Variants in NAV2 observed in about 807,000 individuals in gnomAD.
NAV2 encodes helicase, APC down-regulated 1.
Under a neutral mutation model 223.2 loss-of-function variants are expected in NAV2, and 54 were observed. That is an observed-to-expected ratio of 0.24 (90% CI 0.19 to 0.30). The LOEUF (loss-of-function observed/expected upper bound fraction) is 0.30, where lower values mean the gene tolerates loss of function less well. Among genes scored for constraint, NAV2 ranks in the 10% least tolerant of loss-of-function variants. The pLI is 1.00. For missense variants in NAV2, 2,806 were observed against 3,147.5 expected, an observed-to-expected ratio of 0.89 and a Z score of 2.60; for synonymous variants, 1,279 against 1,239.3, an observed-to-expected ratio of 1.03 and a Z score of -0.67.
intron 1 of NAV2, among the ~76,000 whole-genome samples, chr11:19,804,134 C>T (rs1273945723): frequency 6.6e-6 from 1 of 152,032 alleles, no homozygotes; most frequent in African/African-American, 2.4e-5. Flanking sequence ...GTGTGTGTGT[C>T]CTTCAGGTCT....
At chr11:19,832,124 A>G (rs1414719576) in intron 1 of NAV2, among the ~76,000 whole-genome samples, 1 of 152,150 alleles carries the variant, frequency 6.6e-6, no homozygotes, top group African/African-American at 2.4e-5. Flanking sequence ...AAAGATGGGA[A>G]GGGGTGGGGG....
chr11:19,534,990 A>G (rs1039114031), intron 1 of NAV2, among the ~76,000 whole-genome samples: 1 of 152,176 alleles, frequency 6.6e-6, no homozygotes, highest in African/African-American at 2.4e-5. Context: ...TGAGTGCAAA[A>G]TAAGTCCTTA....
chr11:19,766,594 A>G (rs942779264), intron 1 of NAV2, among the ~76,000 whole-genome samples: 4 of 152,116 alleles, frequency 2.6e-5, no homozygotes, highest in African/African-American at 9.7e-5. Flanking sequence ...GTTGGTGTGG[A>G]TGGGGGCTGG....
chr11:19,714,063 A>T lies in NAV2; in HGVS notation c.267+101A>T, dbSNP rs191364850. ...GGGCTGGATGGGAGAAGGGTCTACC[A>T]TGTGGCCAGGGAAGGGAACCATTCC... is the stretch of plus-strand genomic sequence containing the variant. On this transcript the variant is annotated intron_variant, in intron 1 of 37. Transcript: ENST00000349880. The T allele has an allele frequency of 2.9e-5, 43 of 1,470,464 alleles. No homozygotes were observed. In the African/African-American group the frequency reaches 4.9e-4, roughly 17 times the overall value. 91.1% of individuals were successfully genotyped at this position (1,470,464 alleles called of 1,614,324 possible). A position where few individuals can be genotyped will look rare whatever the true frequency, so the allele number is the denominator to read the frequency against.
intron 37 of NAV2, 94 bp downstream of exon 37, chr11:20,114,889 A>G: frequency 8.0e-7 from 1 of 1,252,692 alleles, no homozygotes. Context: ...AAAGGTGACT[A>G]AATCCAGCCT....
intron 1 of NAV2, among the ~76,000 whole-genome samples, chr11:19,501,336 C>T (rs1564991000): frequency 6.6e-6 from 1 of 152,050 alleles, no homozygotes; most frequent in Non-Finnish European, 1.5e-5. Flanking sequence ...TTTGCAGGAC[C>T]ACTATTCTCT....
Position 19,807,488 on chromosome 11 carries a change from C to T in NAV2, c.268-24996C>T, listed in dbSNP as rs2058636336. 2.6e-5 allele frequency among the ~76,000 whole-genome samples: 4 copies of T among 152,224 alleles called. No individual in the cohort carries two copies. The South Asian group carries it at 8.3e-4, about 32-fold the overall frequency. Reference sequence around the variant, plus strand: ...AGAACCCAAAATGCACCTATGTGCACACTCTCTCCAATGAGACATTTGAAT... The same window carrying T: ...AGAACCCAAAATGCACCTATGTGCATACTCTCTCCAATGAGACATTTGAAT... On this transcript the variant is annotated intron_variant, in intron 1 of 37. Transcript: ENST00000349880.
At position 19,998,382 on chromosome 11, in the gene NAV2, C is replaced by T. The variant is rs2052153915; in HGVS notation, c.2768+14135C>T. 6.6e-6 allele frequency among the ~76,000 whole-genome samples: 1 copy of T among 152,118 alleles called. No homozygotes were observed. Among genetic ancestry groups the T allele is most frequent in the Non-Finnish European group, 1.5e-5 (1 of 68,028 alleles). On this transcript the variant is annotated intron_variant, in intron 11 of 37. Transcript: ENST00000349880. This position sits in a 1 kb window ranked among gnomAD's most constrained non-coding sequence, Gnocchi z 5.0. ...TCTGAGCTCTCCCACTGCAGCCTTC[C>T]AGGCCCACTGTACCCACCAGGGCCT...
chr11:19,448,202 G>A (rs571627466), intron 1 of NAV2, among the ~76,000 whole-genome samples: 8 of 150,938 alleles, frequency 5.3e-5, no homozygotes, highest in African/African-American at 9.8e-5. Flanking sequence ...TCAGTCAGGC[G>A]CAAGGTGGGG....
intron 1 of NAV2, among the ~76,000 whole-genome samples, chr11:19,593,528 A>G (rs2046119165): frequency 6.6e-6 from 1 of 152,250 alleles, no homozygotes; most frequent in African/African-American, 2.4e-5. Flanking sequence ...TATTTCAAAT[A>G]TAAGTCTTCA....
chr11:19,596,483 A>G (rs560789196), intron 1 of NAV2, among the ~76,000 whole-genome samples: 3 of 152,154 alleles, frequency 2.0e-5, no homozygotes, highest in African/African-American at 7.2e-5. Flanking sequence ...CTGTGTGAGG[A>G]TTGTTCCCCT....
intron 26 of NAV2, among the ~76,000 whole-genome samples, chr11:20,083,954 C>T (rs1163960885): frequency 1.3e-5 from 2 of 152,206 alleles, no homozygotes; most frequent in Non-Finnish European, 2.9e-5. Context: ...TCTTAAGGCC[C>T]TGCCTTAGCA....
chr11:19,625,110 A>C (rs1020008626), intron 1 of NAV2, among the ~76,000 whole-genome samples: 1 of 152,136 alleles, frequency 6.6e-6, no homozygotes, highest in Non-Finnish European at 1.5e-5. Context: ...ACTATATAAT[A>C]CATTATTGTT....
chr11:19,648,664 C>T (rs1164530595), intron 1 of NAV2, among the ~76,000 whole-genome samples: 1 of 152,114 alleles, frequency 6.6e-6, no homozygotes, highest in African/African-American at 2.4e-5. Context: ...GATGGGGCCC[C>T]CTGAGAGATC....
chr11:19,770,261 ATT>A (rs61693257), intron 1 of NAV2, among the ~76,000 whole-genome samples: 67 of 151,152 alleles, frequency 4.4e-4, no homozygotes, highest in African/African-American at 1.3e-3. Context: ...TTAAAAAAAT[ATT>A]TTTTTTTTCA....
At chr11:20,050,840 C>T (rs2057929587) in intron 16 of NAV2, among the ~76,000 whole-genome samples, 1 of 152,224 alleles carries the variant, frequency 6.6e-6, no homozygotes, top group South Asian at 2.1e-4. Flanking sequence ...CAAGTCTGTT[C>T]TCCCATTTGA....
chr11:19,773,610 T>C (rs1192710210), intron 1 of NAV2, among the ~76,000 whole-genome samples: 4 of 152,042 alleles, frequency 2.6e-5, no homozygotes, highest in Non-Finnish European at 5.9e-5. Flanking sequence ...TGGTGGAAGA[T>C]TATGGAAATA....
At chr11:19,918,255 T>C (rs1033666530) in intron 6 of NAV2, among the ~76,000 whole-genome samples, 1 of 152,244 alleles carries the variant, frequency 6.6e-6, no homozygotes, top group African/African-American at 2.4e-5. Context: ...GTACAAAATG[T>C]GACTCTTGCT....
At chr11:19,963,531 G>A (rs1052571253) in intron 10 of NAV2, among the ~76,000 whole-genome samples, 2 of 152,216 alleles carry the variant, frequency 1.3e-5, no homozygotes, top group Non-Finnish European at 2.9e-5. Context: ...GAGCTATGAA[G>A]GGACCTGAAA....
Sources: gnomAD v4.1 joint callset for allele counts (sites outside exome capture counted in the v4.1 genomes callset) on GRCh38, gnomAD v4.1.1 for gene constraint, Gnocchi (gnomAD v3.1) non-coding constraint, MANE v1.5 for transcripts, NCBI Gene and HGNC (gene_info 2026-07-23, HGNC 2026-07-21) for gene names.